The following RAB3C variants were observed in gnomAD, a reference collection of about 807,000 sequenced individuals.
RAB3C encodes ras-related protein Rab-3C.
Under a neutral mutation model 26.4 loss-of-function variants are expected in RAB3C, and 17 were observed. The ratio of observed to expected loss-of-function variants is 0.64; its 90% CI spans 0.44 to 0.97. The LOEUF (loss-of-function observed/expected upper bound fraction) is 0.97, where lower values mean the gene tolerates loss of function less well. RAB3C is among the 50% of genes least tolerant of loss of function. The probability of loss-of-function intolerance (pLI) is 0.00; values close to 1 mark genes in which losing one functional copy is unlikely to be tolerated. For synonymous variants in RAB3C, 91 were observed against 95.9 expected (o/e 0.95, Z 0.30); for missense variants, 242 against 281.9 (o/e 0.86, Z 1.01).
chr5:58,697,212 T>A (rs1446558020), intron 2 of RAB3C, among the ~76,000 whole-genome samples: 1 of 152,198 alleles, frequency 6.6e-6, no homozygotes, highest in Non-Finnish European at 1.5e-5. Context: ...GGTTGTTCCG[T>A]TTCCATGTAG....
intron 4 of RAB3C, among the ~76,000 whole-genome samples, chr5:58,843,528 G>C (rs1743920539): frequency 6.6e-6 from 1 of 152,156 alleles, no homozygotes; most frequent in Non-Finnish European, 1.5e-5. Context: ...CATATAAGCA[G>C]CCACTCTGCC....
chr5:58,765,972 C>T (rs573372979), intron 3 of RAB3C, among the ~76,000 whole-genome samples: 1 of 152,206 alleles, frequency 6.6e-6, no homozygotes, highest in South Asian at 2.1e-4. Flanking sequence ...CCTGCTCCGG[C>T]CACGTAAGAT....
In RAB3C at chr5:58,853,747, T is replaced by C. The variant is rs898415910; in HGVS notation, c.*2396T>C. The C allele has an allele frequency of 7.9e-5, 12 of 152,146 alleles. No individual in the cohort carries two copies. Among genetic ancestry groups the C allele is most frequent in the African/African-American group, 2.7e-4 (11 of 41,432 alleles). The allele number at this position is 152,146 out of a possible 1,614,324, so 9.4% of individuals were successfully genotyped here. On this transcript the variant is annotated 3_prime_UTR_variant, in exon 5 of 5. Transcript: ENST00000282878. ...ATACTTTCTAATTTCTAAACCCCAA[T>C]GGAAGTGAGGCCTTTTTCATTGATT...
At chr5:58,612,514 G>GTATATATATATATATATA in intron 1 of RAB3C, among the ~76,000 whole-genome samples, 1 of 54,096 alleles carries the variant, frequency 1.8e-5, no homozygotes, top group African/African-American at 8.5e-5. Flanking sequence ...GTGTGTGTGT[G>GTATATATATATATATATA]TGTGTGTATA....
intron 1 of RAB3C, among the ~76,000 whole-genome samples, chr5:58,594,868 AC>A (rs1746214825): frequency 2.9e-5 from 2 of 68,920 alleles, no homozygotes; most frequent in Non-Finnish European, 7.0e-5. Flanking sequence ...TTTTTTTTTT[AC>A]CCCAGTGGGA....
At chr5:58,609,428 G>A (rs1029168918) in intron 1 of RAB3C, among the ~76,000 whole-genome samples, 2 of 152,124 alleles carry the variant, frequency 1.3e-5, no homozygotes, top group African/African-American at 4.8e-5. Flanking sequence ...CTTTAAAAGG[G>A]GGATGCTAAT....
chr5:58,707,552 A>G (rs549984257), intron 2 of RAB3C, among the ~76,000 whole-genome samples: 16 of 152,272 alleles, frequency 1.1e-4, no homozygotes, highest in African/African-American at 3.6e-4. Flanking sequence ...TGATTTGCCC[A>G]ACATCACACA....
chr5:58,665,669 C>T (rs1747987697), intron 2 of RAB3C, among the ~76,000 whole-genome samples: 1 of 152,116 alleles, frequency 6.6e-6, no homozygotes, highest in African/African-American at 2.4e-5. Context: ...TGGAAAAAAT[C>T]ATCTTCTCAA....
intron 4 of RAB3C, among the ~76,000 whole-genome samples, chr5:58,827,534 A>T (rs943745023): frequency 6.6e-6 from 1 of 152,204 alleles, no homozygotes; most frequent in African/African-American, 2.4e-5. Context: ...AAATGCATCA[A>T]TAGGGTGACT....
intron 3 of RAB3C, among the ~76,000 whole-genome samples, chr5:58,804,667 A>ATGTGTGTG (rs142259686): frequency 7.0e-4 from 104 of 149,410 alleles, no homozygotes; most frequent in African/African-American, 2.2e-3. Context: ...TGGGGTGCAT[A>ATGTGTGTG]TGTGTGTGTG....
chr5:58,703,204 C>T (rs191847978), intron 2 of RAB3C, among the ~76,000 whole-genome samples: 34 of 152,006 alleles, frequency 2.2e-4, no homozygotes, highest in African/African-American at 6.8e-4. Flanking sequence ...GTTTTTGAGA[C>T]GGAATTTCGT....
Position 58,783,375 on chromosome 5 carries a change from A to C in RAB3C, c.372-41663A>C, listed in dbSNP as rs1351729831. 2.6e-5 allele frequency among the ~76,000 whole-genome samples: 4 copies of C among 152,322 alleles called. No homozygotes were observed. In the East Asian group the frequency reaches 5.8e-4, roughly 22 times the overall value. ...AATCATTCAAAATAATGAATATCTGAAGTGCAGGAATAAAGACAACATGTG... is the reference window on the plus strand; with the variant it reads ...AATCATTCAAAATAATGAATATCTGCAGTGCAGGAATAAAGACAACATGTG... On this transcript the variant is annotated intron_variant, in intron 3 of 4. Transcript: ENST00000282878.
In RAB3C at chr5:58,593,021, TC is replaced by T. The variant is rs568641421; in HGVS notation, c.24+9791del. Among the ~76,000 whole-genome samples, 4 of 152,304 alleles carry T rather than the reference TC, an allele frequency of 2.6e-5. No individual in the cohort carries two copies. The South Asian group carries it at 8.3e-4, about 32-fold the overall frequency. ...TTTCATCCAATTATTCTCTTCTTTT[TC>T]CTTTTGATATTGCCAATTACATGTA... On this transcript the variant is annotated intron_variant, in intron 1 of 4. Transcript: ENST00000282878.
At chr5:58,707,055 C>T (rs1195527011) in intron 2 of RAB3C, among the ~76,000 whole-genome samples, 1 of 152,120 alleles carries the variant, frequency 6.6e-6, no homozygotes, top group Non-Finnish European at 1.5e-5. Context: ...AGTTTTAAAG[C>T]TCATTGTTTT....
intron 4 of RAB3C, among the ~76,000 whole-genome samples, chr5:58,850,459 G>A (rs1250246720): frequency 6.6e-6 from 1 of 152,134 alleles, no homozygotes; most frequent in Non-Finnish European, 1.5e-5. Flanking sequence ...GTTGAAGCAG[G>A]TTTAAGGTAA....
rs563021535 is a variant in RAB3C at position 58,650,389 on chromosome 5, G to C, written c.252+32519G>C. Among the ~76,000 whole-genome samples, 6 of 152,194 alleles carry C rather than the reference G, an allele frequency of 3.9e-5. No individual in the cohort carries two copies. In the East Asian group the frequency reaches 5.8e-4, roughly 15 times the overall value. On this transcript the variant is annotated intron_variant, in intron 2 of 4. Transcript: ENST00000282878. ...TAAAAAGAGGGAAGGGAGAGAGAAG[G>C]CTAGCATACAGAAAAGAGTAGCAGT...
chr5:58,822,739 G>A, intron 3 of RAB3C: 5 of 511,024 alleles, frequency 9.8e-6, no homozygotes, highest in South Asian at 8.4e-5. Flanking sequence ...CGCAGCATAT[G>A]TACATGGTAC....
chr5:58,637,117 A>C (rs556460939), intron 2 of RAB3C, among the ~76,000 whole-genome samples: 2 of 108,462 alleles, frequency 1.8e-5, no homozygotes, highest in African/African-American at 7.1e-5. Context: ...TTTTTTTACT[A>C]TTCAGTTTGA....
chr5:58,687,023 G>C (rs1039421614), intron 2 of RAB3C, among the ~76,000 whole-genome samples: 7 of 152,162 alleles, frequency 4.6e-5, no homozygotes, highest in Admixed American at 3.9e-4. Flanking sequence ...CGGTGACCTA[G>C]AGCTCAAGGA....
Sources: allele counts gnomAD v4.1 joint callset (sites outside exome capture counted in the v4.1 genomes callset), GRCh38; gene constraint gnomAD v4.1.1; transcripts MANE v1.5; gene names NCBI Gene and HGNC (gene_info 2026-07-23, HGNC 2026-07-21).